Variants in RARB observed in about 807,000 individuals in gnomAD.
RARB encodes retinoic acid receptor beta, also known as HBV-activated protein.
A neutral mutation model predicts 51.9 loss-of-function variants in RARB; 17 were observed. The observed-to-expected ratio is 0.33, with a 90% confidence interval of 0.22 to 0.49. The LOEUF is 0.49. Ranked by LOEUF, RARB falls within the 20% of genes least tolerant of loss-of-function variation. RARB has a pLI of 0.99. For synonymous variants in RARB, 215 were observed against 195.4 expected (o/e 1.10, Z -0.84); for missense variants, 369 against 550.8 (o/e 0.67, Z 3.30).
chr3:25,425,186 T>C (rs74825314), upstream of RARB, among the ~76,000 whole-genome samples: 9,485 of 152,284 alleles, frequency 0.062, 399 homozygotes, highest in Admixed American at 0.1. Flanking sequence ...ATGTTTAAAA[T>C]GGGTGTCAGT....
chr3:25,331,443 C>T (rs923360375), intron 5 of RARB, among the ~76,000 whole-genome samples: 18 of 152,106 alleles, frequency 1.2e-4, no homozygotes, highest in South Asian at 4.1e-4. Flanking sequence ...CATAACAAAA[C>T]GAAGGCAGAA....
At chr3:25,121,205 C>A (rs1017409050) in intron 3 of RARB, among the ~76,000 whole-genome samples, 1 of 152,040 alleles carries the variant, frequency 6.6e-6, no homozygotes, top group Non-Finnish European at 1.5e-5. Context: ...CAGAGTTCCC[C>A]AGGTGGAAAA....
chr3:24,915,664 A>C (rs879864972), intron 2 of RARB, among the ~76,000 whole-genome samples: 2 of 152,224 alleles, frequency 1.3e-5, no homozygotes, highest in Middle Eastern at 3.2e-3. Context: ...TGTGTTTGCC[A>C]TACAGCGTTG....
chr3:25,498,946 T>C (rs1697169759), intron 2 of RARB, among the ~76,000 whole-genome samples: 1 of 152,208 alleles, frequency 6.6e-6, no homozygotes, highest in South Asian at 2.1e-4. Context: ...ACAGTATTTG[T>C]AACCTGTTAT....
At chr3:24,921,514 A>G (rs1350791360) in intron 2 of RARB, among the ~76,000 whole-genome samples, 1 of 152,300 alleles carries the variant, frequency 6.6e-6, no homozygotes, top group Middle Eastern at 3.4e-3. Flanking sequence ...ACAGCCCACC[A>G]TAGGTCCTTC....
chr3:25,109,041 A>ATACC (rs1699556773), intron 3 of RARB, among the ~76,000 whole-genome samples: 1 of 152,154 alleles, frequency 6.6e-6, no homozygotes, highest in Non-Finnish European at 1.5e-5. Flanking sequence ...CTTGGATGTG[A>ATACC]TACCTAGCCT....
chr3:24,912,925 A>T (rs536850260), intron 2 of RARB, among the ~76,000 whole-genome samples: 4 of 150,200 alleles, frequency 2.7e-5, no homozygotes, highest in Admixed American at 1.3e-4. Context: ...CTCTTAAGAA[A>T]ATGTGACCCA....
At chr3:25,106,935 G>A (rs1470248911) in intron 3 of RARB, among the ~76,000 whole-genome samples, 2 of 151,218 alleles carry the variant, frequency 1.3e-5, no homozygotes, top group African/African-American at 4.9e-5. Context: ...GAGTCTCGCT[G>A]TCTTGCCCAG....
intron 4 of RARB, among the ~76,000 whole-genome samples, chr3:25,575,682 A>AT (rs760915141): frequency 8.6e-5 from 13 of 150,852 alleles, no homozygotes; most frequent in South Asian, 2.1e-4. Flanking sequence ...AGATTTCCAC[A>AT]TTTTTTTTTA....
chr3:25,490,759 G>A (rs554407173), intron 2 of RARB, among the ~76,000 whole-genome samples: 5 of 152,074 alleles, frequency 3.3e-5, no homozygotes, highest in East Asian at 1.9e-4. Context: ...GCTTCTTGCC[G>A]TGTTATACTT....
chr3:25,416,028 T>G (rs530582120), intron 5 of RARB, among the ~76,000 whole-genome samples: 1 of 152,058 alleles, frequency 6.6e-6, no homozygotes, highest in African/African-American at 2.4e-5. Context: ...TTAATTAGGG[T>G]CATCATTGTC....
chr3:25,318,110 A>G (rs546265058), intron 5 of RARB, among the ~76,000 whole-genome samples: 1 of 152,312 alleles, frequency 6.6e-6, no homozygotes, highest in South Asian at 2.1e-4. Context: ...AATCTAGTAC[A>G]CTTTTTAAAT....
chr3:25,308,184 CA>C (rs1275450032), intron 5 of RARB, among the ~76,000 whole-genome samples: 2 of 152,196 alleles, frequency 1.3e-5, no homozygotes. Context: ...TTAATTTCCA[CA>C]TGGCTGATGT....
chr3:25,322,790 A>G (rs985067331), intron 5 of RARB, among the ~76,000 whole-genome samples: 10 of 152,218 alleles, frequency 6.6e-5, no homozygotes, highest in South Asian at 6.2e-4. Flanking sequence ...TGACAAGAGC[A>G]CATAAGCACA....
At chr3:25,082,306 A>T (rs1699023168) in intron 3 of RARB, among the ~76,000 whole-genome samples, 1 of 151,936 alleles carries the variant, frequency 6.6e-6, no homozygotes, top group South Asian at 2.1e-4. Context: ...ATTTGTTTAC[A>T]TTTCTCCCAT....
In RARB at chr3:25,553,329, A is replaced by G. The variant is rs551938249; in HGVS notation, c.449-16429A>G. Among the ~76,000 whole-genome samples the G allele has an allele frequency of 2.9e-3, 440 of 152,296 alleles. 1 individual carries two copies. Among genetic ancestry groups the G allele is most frequent in the African/African-American group, 0.01 (430 of 41,568 alleles). On this transcript the variant is annotated intron_variant, in intron 3 of 7. Coordinates refer to ENST00000330688, the MANE Select transcript of RARB (RefSeq NM_000965.5). ...CATACTCTTCACCACCCCTCAAGGA[A>G]TGATTGACAGGGGAGCAGAGAACTT...
At chr3:25,375,183 C>T (rs191575645) in intron 5 of RARB, among the ~76,000 whole-genome samples, 1 of 152,280 alleles carries the variant, frequency 6.6e-6, no homozygotes, top group East Asian at 1.9e-4. Flanking sequence ...CATATTCCAC[C>T]TTTCAAAAAT....
intron 3 of RARB, among the ~76,000 whole-genome samples, chr3:25,085,137 C>T (rs1699081655): frequency 6.6e-6 from 1 of 152,062 alleles, no homozygotes; most frequent in Non-Finnish European, 1.5e-5. Context: ...ATAGATGTGC[C>T]ACCTGAAGTT....
At chr3:25,517,270 A>T (rs1419977575) in intron 3 of RARB, among the ~76,000 whole-genome samples, 2 of 152,238 alleles carry the variant, frequency 1.3e-5, no homozygotes, top group Non-Finnish European at 2.9e-5. Flanking sequence ...TACAAAAGTA[A>T]TGTGAAAAAA....
Sources: gnomAD v4.1 joint callset for allele counts (sites outside exome capture counted in the v4.1 genomes callset) on GRCh38, gnomAD v4.1.1 for gene constraint, MANE v1.5 for transcripts, NCBI Gene and HGNC (gene_info 2026-07-23, HGNC 2026-07-21) for gene names.